The following CCDC91 variants were observed in gnomAD, a reference collection of about 807,000 sequenced individuals.
CCDC91 encodes coiled-coil domain-containing protein 91.
In CCDC91, 48 loss-of-function variants were observed where a neutral mutation model predicts 63.2. The ratio of observed to expected loss-of-function variants is 0.76; its 90% CI spans 0.60 to 0.97. The LOEUF (loss-of-function observed/expected upper bound fraction) is 0.97, where lower values mean the gene tolerates loss of function less well. Ranked by LOEUF, CCDC91 falls within the 50% of genes least tolerant of loss-of-function variation. CCDC91 has a pLI of 0.00. For missense variants in CCDC91, 500 were observed against 494.6 expected (o/e 1.01, Z -0.10); for synonymous variants, 167 against 165.8 (o/e 1.01, Z -0.06).
rs573743431 is a variant in CCDC91, at chr12:28,268,668, GC to G, written c.109+9230del. On this transcript the variant is annotated intron_variant, in intron 3 of 12. Transcript: ENST00000536442. ...TATATCCAGGACTGCTTCAGAGCAAGCCCCGTGTCTGAATCTTCAGAGGGTA... is the reference window on the plus strand; with the variant it reads ...TATATCCAGGACTGCTTCAGAGCAAGCCCGTGTCTGAATCTTCAGAGGGTA... 8.1e-6 allele frequency: 8 copies of G among 985,206 alleles called. No individual in the cohort carries two copies. The African/African-American group carries it at 1.4e-4, about 17-fold the overall frequency. 61.0% of individuals were successfully genotyped at this position (985,206 alleles called of 1,614,324 possible).
intron 8 of CCDC91, among the ~76,000 whole-genome samples, chr12:28,440,337 G>T (rs1949121144): frequency 6.6e-6 from 1 of 152,148 alleles, no homozygotes; most frequent in Non-Finnish European, 1.5e-5. Context: ...GCCCTGCTGT[G>T]AAATGAACAC....
intron 3 of CCDC91, among the ~76,000 whole-genome samples, chr12:28,266,261 TAG>T: frequency 6.6e-6 from 1 of 152,134 alleles, no homozygotes; most frequent in South Asian, 2.1e-4. Flanking sequence ...TAGTGTGGAT[TAG>T]AGTCAAATAT....
chr12:28,337,355 C>T (rs1400148951), intron 6 of CCDC91, among the ~76,000 whole-genome samples: 1 of 151,996 alleles, frequency 6.6e-6, no homozygotes, highest in African/African-American at 2.4e-5. Context: ...CAAACCTGCC[C>T]CATTTTAAAA....
intron 8 of CCDC91, among the ~76,000 whole-genome samples, chr12:28,439,284 G>A (rs1316211046): frequency 6.6e-6 from 1 of 152,066 alleles, no homozygotes; most frequent in Non-Finnish European, 1.5e-5. Flanking sequence ...TCTATGTTAG[G>A]TTTTGTTTCC....
intron 3 of CCDC91, among the ~76,000 whole-genome samples, chr12:28,281,531 A>G (rs533302049): frequency 1.3e-5 from 2 of 152,288 alleles, no homozygotes; most frequent in South Asian, 4.1e-4. Context: ...CACATACAAA[A>G]TACCTTCACA....
intron 11 of CCDC91, among the ~76,000 whole-genome samples, chr12:28,473,331 C>G (rs1287815805): frequency 6.6e-6 from 1 of 152,130 alleles, no homozygotes; most frequent in Non-Finnish European, 1.5e-5. Context: ...CTGACAATGG[C>G]CTAGTCAGCA....
chr12:28,451,822 C>A (rs540433602), intron 10 of CCDC91, among the ~76,000 whole-genome samples: 2 of 151,686 alleles, frequency 1.3e-5, no homozygotes, highest in South Asian at 2.1e-4. Context: ...TCAAGAATAT[C>A]CACAATTATT....
intron 10 of CCDC91, 104 bp downstream of exon 10, chr12:28,450,522 A>G (rs1949750774): frequency 1.2e-6 from 1 of 863,638 alleles, no homozygotes; most frequent in East Asian, 2.7e-5. Flanking sequence ...CATTCCATAA[A>G]AATCGTTTTT....
chr12:28,376,000 G>A (rs1944919974), intron 7 of CCDC91, among the ~76,000 whole-genome samples: 1 of 151,824 alleles, frequency 6.6e-6, no homozygotes, highest in Admixed American at 6.6e-5. Context: ...AACTTCTACA[G>A]TGCATAGTAA....
intron 7 of CCDC91, 122 bp from the exon 8 acceptor site, chr12:28,391,182 A>T (rs535050871): frequency 3.7e-6 from 2 of 541,632 alleles, no homozygotes; most frequent in Admixed American, 3.4e-5. Flanking sequence ...TAACAAATAC[A>T]TATTTTGTAA....
intron 8 of CCDC91, among the ~76,000 whole-genome samples, chr12:28,421,807 T>C (rs779115033): frequency 3.9e-5 from 6 of 152,094 alleles, no homozygotes; most frequent in Non-Finnish European, 8.8e-5. Context: ...TTCCATAAAA[T>C]CAGCCAATCT....
intron 6 of CCDC91, among the ~76,000 whole-genome samples, chr12:28,311,547 G>T (rs184967772): frequency 8.5e-5 from 13 of 152,058 alleles, no homozygotes; most frequent in African/African-American, 3.1e-4. Context: ...AAAAATAAAG[G>T]CGAAACTTGG....
At chr12:28,375,121 C>T (rs181526724) in intron 7 of CCDC91, among the ~76,000 whole-genome samples, 2 of 145,364 alleles carry the variant, frequency 1.4e-5, no homozygotes, top group African/African-American at 4.9e-5. Context: ...AATATTTTGA[C>T]CTTGGGCAGT....
chr12:28,538,398 T>A (rs1365615364), intron 12 of CCDC91, among the ~76,000 whole-genome samples: 1 of 151,922 alleles, frequency 6.6e-6, no homozygotes, highest in Non-Finnish European at 1.5e-5. Flanking sequence ...AGAATGATGG[T>A]TTTCAGCTTC....
chr12:28,411,920 C>T (rs1947341776), intron 8 of CCDC91, among the ~76,000 whole-genome samples: 1 of 152,174 alleles, frequency 6.6e-6, no homozygotes, highest in Non-Finnish European at 1.5e-5. Context: ...GAGGGATCCA[C>T]TCCGATAACC....
chr12:28,345,766 G>T (rs1209405498), intron 6 of CCDC91, among the ~76,000 whole-genome samples: 1 of 151,666 alleles, frequency 6.6e-6, no homozygotes, highest in African/African-American at 2.4e-5. Context: ...CAATATTTCT[G>T]CTTCTTGATT....
At chr12:28,219,769 G>A (rs574743563) in intron 1 of CCDC91, among the ~76,000 whole-genome samples, 18 of 152,068 alleles carry the variant, frequency 1.2e-4, no homozygotes, top group Admixed American at 2.6e-4. Context: ...CACTGCGCCC[G>A]GCCCCCATTG....
chr12:28,233,880 A>G (rs2135854957), intron 1 of CCDC91, among the ~76,000 whole-genome samples: 1 of 152,188 alleles, frequency 6.6e-6, no homozygotes, highest in Middle Eastern at 3.4e-3. Flanking sequence ...TCAAATATGT[A>G]TTGCTTAACT....
intron 8 of CCDC91, among the ~76,000 whole-genome samples, chr12:28,393,375 T>C (rs1280349271): frequency 6.6e-6 from 1 of 151,680 alleles, no homozygotes; most frequent in Non-Finnish European, 1.5e-5. Flanking sequence ...TTTTTCTTTT[T>C]GAAATTTTTT....
Sources: allele counts gnomAD v4.1 joint callset (sites outside exome capture counted in the v4.1 genomes callset), GRCh38; gene constraint gnomAD v4.1.1; transcripts MANE v1.5; gene names NCBI Gene and HGNC (gene_info 2026-07-23, HGNC 2026-07-21).